PAK4: variants seen among roughly 807,000 people sequenced by gnomAD.
PAK4 encodes serine/threonine-protein kinase PAK 4.
Under a neutral mutation model 53.5 loss-of-function variants are expected in PAK4, and 49 were observed. The ratio of observed to expected loss-of-function variants is 0.92; its 90% CI spans 0.73 to 1.16. The LOEUF (loss-of-function observed/expected upper bound fraction) is 1.16. Ranked by LOEUF, PAK4 falls within the 50% of genes most tolerant of loss-of-function variation. PAK4 has a pLI of 0.00. For synonymous variants in PAK4, 376 were observed against 375.6 expected, an observed-to-expected ratio of 1.00 and a Z score of -0.01; for missense variants, 824 against 850.7, an observed-to-expected ratio of 0.97 and a Z score of 0.39.
chr19:39,133,659 G>C (rs529010775), intron 1 of PAK4, among the ~76,000 whole-genome samples: 2 of 152,284 alleles, frequency 1.3e-5, no homozygotes, highest in Admixed American at 6.5e-5. Context: ...AGGAGCTTTC[G>C]AGCAGACACC....
intron 1 of PAK4, among the ~76,000 whole-genome samples, chr19:39,140,692 C>G (rs1186300358): frequency 6.6e-6 from 1 of 152,188 alleles, no homozygotes; most frequent in African/African-American, 2.4e-5. Context: ...GAGGGCTCCC[C>G]TTGCCTCCTC....
intron 1 of PAK4, among the ~76,000 whole-genome samples, chr19:39,154,548 G>C (rs956018535): frequency 6.6e-6 from 1 of 152,174 alleles, no homozygotes; most frequent in Non-Finnish European, 1.5e-5. Flanking sequence ...CTTTTGAACC[G>C]TGTGCCTGTA....
At chr19:39,128,304 G>A in intron 1 of PAK4, among the ~76,000 whole-genome samples, 1 of 152,252 alleles carries the variant, frequency 6.6e-6, no homozygotes, top group African/African-American at 2.4e-5. Context: ...CACTGCCTGG[G>A]GAGGGCCTCA....
At chr19:39,176,741 CCCG>C in intron 7 of PAK4, 26 bp downstream of exon 8, 1 of 1,603,786 alleles carries the variant, frequency 6.2e-7, no homozygotes, top group Non-Finnish European at 8.5e-7. Context: ...GCTTGGTTGT[CCCG>C]CCGTGGACAG....
rs74176491 is a variant in PAK4 at position 39,148,466 on chromosome 19, CTTTTTTT to C, written c.-22-21051_-22-21045del. Among the ~76,000 whole-genome samples the C allele has an allele frequency of 3.3e-4, 19 of 56,800 alleles. 1 individual carries two copies. The South Asian group carries it at 0.011, about 34-fold the overall frequency. The allele number at this position is 56,800 out of a possible 152,430, so 37.3% of individuals were successfully genotyped here. A position where few individuals can be genotyped will look rare whatever the true frequency, so the allele number is the denominator to read the frequency against. On this transcript the variant is annotated intron_variant, in intron 1 of 8. Coordinates refer to ENST00000358301, the Ensembl canonical transcript of PAK4. ...TTAGGTACCAAATAAGTTTCTTCTGCTTTTTTTTTTTTTTTTTTTTTGAGAGAGAGTC... is the reference window on the plus strand; with the variant it reads ...TTAGGTACCAAATAAGTTTCTTCTGCTTTTTTTTTTTTTTGAGAGAGAGTC...
intron 8 of PAK4, 84 bp downstream of exon 9, chr19:39,177,893 G>A (rs2074640484): frequency 6.8e-7 from 1 of 1,469,740 alleles, no homozygotes; most frequent in Admixed American, 2.1e-5. Context: ...GGATGGGATG[G>A]GGACAATGAT....
chr19:39,158,222 T>C (rs1194514120), intron 1 of PAK4, among the ~76,000 whole-genome samples: 1 of 151,854 alleles, frequency 6.6e-6, no homozygotes, highest in Non-Finnish European at 1.5e-5. Flanking sequence ...TGGGTGTGCG[T>C]GTGTGTGCAT....
intron 1 of PAK4, chr19:39,168,962 G>C (rs2074425219): frequency 6.5e-6 from 1 of 154,720 alleles, no homozygotes; most frequent in Admixed American, 6.5e-5. Flanking sequence ...AAGCGGGGCA[G>C]ACGAGACCCA....
intron 7 of PAK4, among the ~76,000 whole-genome samples, chr19:39,177,453 C>T (rs544307088): frequency 2.5e-4 from 38 of 151,394 alleles, no homozygotes; most frequent in African/African-American, 9.0e-4. Flanking sequence ...GGGCAGTTGA[C>T]AGAAAGAAGA....
intron 1 of PAK4, among the ~76,000 whole-genome samples, chr19:39,147,654 C>G (rs1319369511): frequency 6.6e-6 from 1 of 152,114 alleles, no homozygotes; most frequent in African/African-American, 2.4e-5. Flanking sequence ...GGTGTTGTCA[C>G]TATTTTTTAT....
At chr19:39,162,404 C>T (rs1216914687) in intron 1 of PAK4, among the ~76,000 whole-genome samples, 2 of 152,124 alleles carry the variant, frequency 1.3e-5, no homozygotes, top group East Asian at 3.9e-4. Flanking sequence ...CACAGGCGCA[C>T]ACCACCACAC....
At chr19:39,167,579 C>T (rs1034168847) in intron 1 of PAK4, among the ~76,000 whole-genome samples, 1 of 152,162 alleles carries the variant, frequency 6.6e-6, no homozygotes, top group Non-Finnish European at 1.5e-5. Context: ...GGCCCCAGGG[C>T]AAGCAGGGAA....
intron 1 of PAK4, among the ~76,000 whole-genome samples, chr19:39,146,616 G>A (rs1171222910): frequency 6.6e-6 from 1 of 152,184 alleles, no homozygotes; most frequent in Non-Finnish European, 1.5e-5. Flanking sequence ...AAGGCAGGAG[G>A]ATCGTTTGTG....
chr19:39,145,175 C>T (rs1388360248), intron 1 of PAK4, among the ~76,000 whole-genome samples: 1 of 152,136 alleles, frequency 6.6e-6, no homozygotes, highest in Non-Finnish European at 1.5e-5. Context: ...ACCTGCTGAC[C>T]ACCCTCAGGC....
At chr19:39,156,316 C>T (rs958921913) in intron 1 of PAK4, among the ~76,000 whole-genome samples, 2 of 151,836 alleles carry the variant, frequency 1.3e-5, no homozygotes, top group African/African-American at 2.4e-5. Context: ...CACCTAGTGG[C>T]CCCTGTCACT....
At position 39,137,669 on chromosome 19, in the gene PAK4, CT is replaced by C. The variant is rs754678702; in HGVS notation, c.-23+11765del. Among the ~76,000 whole-genome samples the C allele has an allele frequency of 6.0e-3, 840 of 140,180 alleles. 4 individuals carry two copies. The highest frequency in any genetic ancestry group is 0.011 in the Middle Eastern group (3 of 264). 92.0% of individuals were successfully genotyped at this position (140,180 alleles called of 152,430 possible). A position where few individuals can be genotyped will look rare whatever the true frequency, so the allele number is the denominator to read the frequency against. On this transcript the variant is annotated intron_variant, in intron 1 of 8. Coordinates refer to ENST00000358301, the Ensembl canonical transcript of PAK4. ...GGAAGGGCCAGTTCAGGTCACTTTC[CT>C]TTTTTTTTTTTTTTGAGACAGAGTC... is the stretch of plus-strand genomic sequence containing the variant.
At chr19:39,165,253 A>G (rs2074352690) in intron 1 of PAK4, among the ~76,000 whole-genome samples, 2 of 145,362 alleles carry the variant, frequency 1.4e-5, no homozygotes, top group South Asian at 4.4e-4. Flanking sequence ...CTGTAATCCC[A>G]GCATTTTGGA....
chr19:39,133,952 A>G (rs2073762673), intron 1 of PAK4, among the ~76,000 whole-genome samples: 1 of 151,968 alleles, frequency 6.6e-6, no homozygotes, highest in African/African-American at 2.4e-5. Context: ...ATGGGGAGAA[A>G]GTAGGACCCT....
At chr19:39,128,110 C>A (rs545505815) in intron 1 of PAK4, among the ~76,000 whole-genome samples, 2 of 152,166 alleles carry the variant, frequency 1.3e-5, no homozygotes, top group African/African-American at 4.8e-5. Context: ...GGTACACACC[C>A]CTCTCCATCA....
Sources: allele counts gnomAD v4.1 joint callset (sites outside exome capture counted in the v4.1 genomes callset), GRCh38; gene constraint gnomAD v4.1.1; transcripts MANE v1.5; gene names NCBI Gene and HGNC (gene_info 2026-07-23, HGNC 2026-07-21).